The following ZNF763 variants were observed in gnomAD, a reference collection of about 807,000 sequenced individuals.
ZNF763 encodes the protein DNA-binding protein.
ZNF763 carries 33 observed loss-of-function variants against 38.0 expected under a neutral mutation model. That is an observed-to-expected ratio of 0.87 (90% confidence interval 0.66 to 1.16). The LOEUF is 1.16. Ranked by LOEUF, ZNF763 falls within the 50% of genes most tolerant of loss-of-function variation. The probability of loss-of-function intolerance (pLI) is 0.00; values close to 1 mark genes in which losing one functional copy is unlikely to be tolerated. For synonymous variants in ZNF763, 155 were observed against 160.1 expected (o/e 0.97, Z 0.24); for missense variants, 423 against 469.1 (o/e 0.90, Z 0.91).
chr19:11,966,098 T>C (rs983707039), intron 1 of ZNF763, among the ~76,000 whole-genome samples: 1 of 152,172 alleles, frequency 6.6e-6, no homozygotes, highest in Non-Finnish European at 1.5e-5. Flanking sequence ...ATTTTATGAA[T>C]TCCAAGGCAT....
Position 11,978,426 on chromosome 19 carries a change from G to A in ZNF763, c.502G>A (p.Gly168Arg), listed in dbSNP as rs182487066. ...SFRTQERNHT[G>R]EKPYACKECG... ...TAGAACACAAGAAAGGAATCACACC[G>A]GAGAGAAACCCTATGCTTGTAAAGA... The change falls in exon 4 of 4, where the codon GGA becomes AGA. Residue 168 changes from glycine (G) to arginine (R), a missense_variant. Transcript: ENST00000358987. 2,315 of 1,614,098 alleles carry A rather than the reference G, an allele frequency of 1.4e-3. 3 individuals carry two copies. The highest frequency in any genetic ancestry group is 3.2e-3 in the African/African-American group (240 of 75,022).
intron 1 of ZNF763, among the ~76,000 whole-genome samples, chr19:11,967,499 G>A (rs980553135): frequency 1.3e-5 from 2 of 152,048 alleles, no homozygotes; most frequent in Non-Finnish European, 2.9e-5. Context: ...CCACCTCCCG[G>A]GTTCACGCCA....
rs1231796686 is a variant in ZNF763 at position 11,965,105 on chromosome 19, C to G, written c.-104C>G. The G allele has an allele frequency of 4.6e-6, 7 of 1,514,712 alleles. No homozygotes were observed. In the East Asian group the frequency reaches 1.1e-4, roughly 25 times the overall value. 93.8% of individuals were successfully genotyped at this position (1,514,712 alleles called of 1,614,324 possible). A position where few individuals can be genotyped will look rare whatever the true frequency, so the allele number is the denominator to read the frequency against. ...CCGCTGTATCCATCCCCGAGAGGGA[C>G]CTGGTACCTCTACCCAGGTTTCTAT... On this transcript the variant is annotated 5_prime_UTR_variant, in exon 1 of 4. Transcript: ENST00000358987.
rs143916724 is a variant in ZNF763, at chr19:11,979,656, G to T, written c.*547G>T. On this transcript the variant is annotated 3_prime_UTR_variant, in exon 4 of 4. Coordinates refer to ENST00000358987, the MANE Select transcript of ZNF763 (RefSeq NM_001367172.2). ...TGTAAGCAATGTGGGAAAGCCTTCAGATCTGCCTCAATCCTTCAAATGCAT... is the reference window on the plus strand; with the variant it reads ...TGTAAGCAATGTGGGAAAGCCTTCATATCTGCCTCAATCCTTCAAATGCAT... 740 of 1,598,940 alleles carry T rather than the reference G, an allele frequency of 4.6e-4. 2 individuals carry two copies. In the African/African-American group the frequency reaches 9.1e-3, roughly 20 times the overall value.
In ZNF763 at chr19:11,978,151, A is replaced by G; in HGVS notation, c.227A>G (p.Glu76Gly). The change falls in exon 4 of 4, where the codon GAA (glutamate) becomes GGA (glycine). Residue 76 changes from glutamate to glycine, a missense_variant. Physicochemically the swap from Glu to Gly is moderately conservative, Grantham distance 98. Transcript: ENST00000358987. ...GAAGGGAATGTCAATGAAATTAAAG[A>G]AGACAGTCATTGTGGAGAAACTTTT... Reference protein sequence around the residue: ...LIEGNVNEIKEDSHCGETFTQ... With the variant: ...LIEGNVNEIKGDSHCGETFTQ... 1 of 1,613,644 alleles carries G rather than the reference A, an allele frequency of 6.2e-7. No homozygotes were observed. The highest frequency in any genetic ancestry group is 8.5e-7 in the Non-Finnish European group (1 of 1,179,930).
chr19:11,977,042 C>G lies in ZNF763; in HGVS notation c.8C>G (p.Pro3Arg), dbSNP rs1973507915. The change falls in exon 2 of 4, where the codon CCT (proline) becomes CGT (arginine). Residue 3 changes from proline to arginine, a missense_variant. Pro to Arg is a moderately radical substitution (Grantham distance 103). Coordinates refer to ENST00000358987, the MANE Select transcript of ZNF763 (RefSeq NM_001367172.2). ...TACACATGTGAGATGTTTCAGGACC[C>G]TGTGGCCTGTGAGGATGTTGCTGTG... Reference protein sequence around the residue: MDPVACEDVAVNF... With the variant: MDRVACEDVAVNF... The G allele has an allele frequency of 6.2e-7, 1 of 1,614,060 alleles. No individual in the cohort carries two copies. The highest frequency in any genetic ancestry group is 8.5e-7 in the Non-Finnish European group (1 of 1,180,034).
Position 11,978,762 on chromosome 19 carries a change from G to C in ZNF763, c.838G>C (p.Gly280Arg). The C allele has an allele frequency of 6.2e-7, 1 of 1,614,062 alleles. No homozygotes were observed. The highest frequency in any genetic ancestry group is 1.1e-5 in the South Asian group (1 of 91,078). Residue 280 changes from glycine (G) to arginine (R), a missense_variant, in exon 4 of 4, where the codon GGG becomes CGG. Transcript: ENST00000358987. ...TCAAGCACATAAAAGAACCCACACT[G>C]GGGGAAAGCCATATGAATGTAAACA... ...SFQAHKRTHT[G>R]GKPYECKQCG...
intron 1 of ZNF763, among the ~76,000 whole-genome samples, chr19:11,974,082 TTTCTTTCTTTC>T (rs1373290717): frequency 4.3e-5 from 3 of 69,606 alleles, no homozygotes; most frequent in African/African-American, 1.9e-4. Flanking sequence ...TCTTTCTTTC[TTTCTTTCTTTC>T]TTTCTTTCTT....
At chr19:11,966,855 C>A (rs749073875) in intron 1 of ZNF763, among the ~76,000 whole-genome samples, 2 of 152,104 alleles carry the variant, frequency 1.3e-5, no homozygotes, top group African/African-American at 2.4e-5. Flanking sequence ...AGAAAGATAG[C>A]AATGGCCCAA....
chr19:11,972,153 T>A (rs1973365697), intron 1 of ZNF763, among the ~76,000 whole-genome samples: 1 of 151,750 alleles, frequency 6.6e-6, no homozygotes, highest in African/African-American at 2.4e-5. Flanking sequence ...GTCATGGTGA[T>A]GTGTACCTGT....
rs373261949 is a variant in ZNF763, at chr19:11,978,308, C to A, written c.384C>A (p.Asp128Glu). 8.2e-5 allele frequency: 132 copies of A among 1,614,122 alleles called. No homozygotes were observed. The highest frequency in any genetic ancestry group is 2.6e-5 in the Non-Finnish European group (31 of 1,180,018). The part of the protein sequence containing the change: ...NSSFNMNIRG[D>E]IGHKAYEYQD... Reference sequence around the variant, plus strand: ...CTTTTAATATGAACATCAGAGGTGACATTGGGCACAAGGCATACGAGTATC... The same window carrying A: ...CTTTTAATATGAACATCAGAGGTGAAATTGGGCACAAGGCATACGAGTATC... Residue 128 changes from aspartate (D) to glutamate (E), a missense_variant, in exon 4 of 4, where the codon GAC becomes GAA. By Grantham distance (45) the Asp-to-Glu change is conservative. Transcript: ENST00000358987.
intron 1 of ZNF763, among the ~76,000 whole-genome samples, chr19:11,975,930 C>T (rs562456558): frequency 3.1e-4 from 47 of 151,500 alleles, no homozygotes; most frequent in Non-Finnish European, 5.6e-4. Context: ...TTAGGAATGT[C>T]CCATCTGCCC....
intron 1 of ZNF763, among the ~76,000 whole-genome samples, chr19:11,969,754 A>G (rs201891264): frequency 6.6e-6 from 1 of 152,190 alleles, no homozygotes; most frequent in African/African-American, 2.4e-5. Context: ...AACATTTCAC[A>G]TGAGAGGAAA....
At chr19:11,973,955 A>G (rs1973402688) in intron 1 of ZNF763, among the ~76,000 whole-genome samples, 1 of 152,156 alleles carries the variant, frequency 6.6e-6, no homozygotes, top group Admixed American at 6.6e-5. Context: ...TCCATAGTGA[A>G]GGAGAGTTCA....
At chr19:11,969,454 T>C (rs1973305672) in intron 1 of ZNF763, among the ~76,000 whole-genome samples, 1 of 146,766 alleles carries the variant, frequency 6.8e-6, no homozygotes, top group Admixed American at 6.7e-5. Flanking sequence ...TCTAGTTATG[T>C]AATCAGCGGT....
intron 1 of ZNF763, among the ~76,000 whole-genome samples, chr19:11,970,166 GC>G (rs1428989829): frequency 6.6e-6 from 1 of 152,200 alleles, no homozygotes; most frequent in African/African-American, 2.4e-5. Context: ...TGGCTGTTCT[GC>G]CAATCGGATG....
In ZNF763 at chr19:11,978,415, G is replaced by A. The variant is rs368338719; in HGVS notation, c.491G>A (p.Arg164Lys). ...CACCCCTCCTTTAGAACACAAGAAA[G>A]GAATCACACCGGAGAGAAACCCTAT... ...RYHPSFRTQE[R>K]NHTGEKPYAC... is the part of the protein sequence containing the mutation. The change falls in exon 4 of 4, where the codon AGG becomes AAG. Residue 164 changes from arginine (R) to lysine (K), a missense_variant. Transcript: ENST00000358987. 34 of 1,614,110 alleles carry A rather than the reference G, an allele frequency of 2.1e-5. No individual in the cohort carries two copies. The Middle Eastern group carries it at 6.6e-4, about 31-fold the overall frequency.
intron 1 of ZNF763, among the ~76,000 whole-genome samples, chr19:11,976,207 A>T (rs1045931843): frequency 9.3e-5 from 14 of 150,886 alleles, no homozygotes; most frequent in Non-Finnish European, 4.4e-5. Flanking sequence ...CAGCCTCAGG[A>T]CTGCTAATGT....
rs1228736086 is a variant in ZNF763, at chr19:11,974,155, TTTCC to T, written c.4-2863_4-2860del. On this transcript the variant is annotated intron_variant, in intron 1 of 3. Transcript: ENST00000358987. Reference sequence around the variant, plus strand: ...CTTTCTTTCTTTCTTTCTTTCTTTCTTTCCTTCCTTCCTTCCTTCCTTCTTTCTT... The same window carrying T: ...CTTTCTTTCTTTCTTTCTTTCTTTCTTTCCTTCCTTCCTTCCTTCTTTCTT... Among the ~76,000 whole-genome samples, 617 of 115,644 alleles carry T rather than the reference TTTCC, an allele frequency of 5.3e-3. 4 individuals carry two copies. Among genetic ancestry groups the T allele is most frequent in the African/African-American group, 0.023 (477 of 20,736 alleles). The allele number at this position is 115,644 out of a possible 152,430, so 75.9% of individuals were successfully genotyped here. A position where few individuals can be genotyped will look rare whatever the true frequency, so the allele number is the denominator to read the frequency against.
Sources: gnomAD v4.1 joint callset for allele counts (sites outside exome capture counted in the v4.1 genomes callset) on GRCh38, gnomAD v4.1.1 for gene constraint, MANE v1.5 for transcripts, NCBI Gene and HGNC (gene_info 2026-07-23, HGNC 2026-07-21) for gene names.